The following VPS13B variants were observed in gnomAD, a reference collection of about 807,000 sequenced individuals.
VPS13B encodes intermembrane lipid transfer protein VPS13B.
A neutral mutation model predicts 426.4 loss-of-function variants in VPS13B; 285 were observed. The ratio of observed to expected loss-of-function variants is 0.67; its 90% CI spans 0.61 to 0.74. The LOEUF (loss-of-function observed/expected upper bound fraction) is 0.74. VPS13B is among the 30% of genes least tolerant of loss of function. The probability of loss-of-function intolerance (pLI) is 0.00; values close to 1 mark genes in which losing one functional copy is unlikely to be tolerated. For synonymous variants in VPS13B, 1,676 were observed against 1,676.4 expected (o/e 1.00, Z 0.01); for missense variants, 4,537 against 4,782.6 (o/e 0.95, Z 1.51).
chr8:99,065,057 C>T (rs1327063294), intron 3 of VPS13B, among the ~76,000 whole-genome samples: 1 of 152,172 alleles, frequency 6.6e-6, no homozygotes, highest in African/African-American at 2.4e-5. Context: ...CAAGCAAATG[C>T]TGAGAGATTT....
chr8:99,197,878 A>G lies in VPS13B; in HGVS notation c.2515+4821A>G, dbSNP rs181416862. 2.6e-3 allele frequency among the ~76,000 whole-genome samples: 402 copies of G among 152,218 alleles called. 7 individuals carry two copies. The highest frequency in any genetic ancestry group is 2.5e-3 in the Non-Finnish European group (167 of 67,972). ...TTTTCACATATTTGTGGTTTTCCCC[A>G]AGATTTCTTTTTGGGGTGGTGAAAA... On this transcript the variant is annotated intron_variant, in intron 17 of 61. Coordinates refer to ENST00000357162, the MANE Select transcript of VPS13B (RefSeq NM_152564.5).
At chr8:99,355,550 C>T (rs1179695595) in intron 19 of VPS13B, among the ~76,000 whole-genome samples, 2 of 152,156 alleles carry the variant, frequency 1.3e-5, no homozygotes, top group Non-Finnish European at 2.9e-5. Flanking sequence ...TAGATAGCGC[C>T]ACTGCACTCC....
intron 19 of VPS13B, among the ~76,000 whole-genome samples, chr8:99,364,700 T>G (rs1812754500): frequency 6.6e-6 from 1 of 152,228 alleles, no homozygotes; most frequent in African/African-American, 2.4e-5. Flanking sequence ...CCCAGAGTGC[T>G]GGGATTACAA....
At chr8:99,783,989 C>T (rs542615012) in intron 42 of VPS13B, among the ~76,000 whole-genome samples, 1 of 152,252 alleles carries the variant, frequency 6.6e-6, no homozygotes, top group East Asian at 1.9e-4. Flanking sequence ...GTGCACTACC[C>T]AGTACAGCAC....
In VPS13B at chr8:99,835,266, T is replaced by C; in HGVS notation, c.9684T>C (p.Pro3228=). Residue 3228 remains proline, a synonymous_variant, in exon 53 of 62, where the codon CCT becomes CCC. Coordinates refer to ENST00000357162, the MANE Select transcript of VPS13B (RefSeq NM_152564.5). ...TYLTLSEDPS[P]RVIIHNRCPV... is the part of the protein sequence containing the mutation. ...TAACCCTCTCAGAAGACCCTAGTCC[T>C]CGAGTAATTATCCACAATAGATGTC... 6.2e-7 allele frequency: 1 copy of C among 1,613,846 alleles called. No individual in the cohort carries two copies. The highest frequency in any genetic ancestry group is 8.5e-7 in the Non-Finnish European group (1 of 1,179,800).
chr8:99,097,097 T>G (rs1177572616), intron 4 of VPS13B, among the ~76,000 whole-genome samples: 3 of 152,192 alleles, frequency 2.0e-5, no homozygotes, highest in Non-Finnish European at 4.4e-5. Flanking sequence ...GCAGGGATAT[T>G]ACTTATGACT....
chr8:99,443,845 T>C (rs959920821), intron 23 of VPS13B, among the ~76,000 whole-genome samples: 1 of 152,124 alleles, frequency 6.6e-6, no homozygotes, highest in African/African-American at 2.4e-5. Flanking sequence ...AGGAGTAAAA[T>C]TGTTGTGTCG....
intron 35 of VPS13B, among the ~76,000 whole-genome samples, chr8:99,674,878 A>T (rs1830867277): frequency 6.6e-6 from 1 of 152,104 alleles, no homozygotes; most frequent in East Asian, 1.9e-4. Context: ...TTTGAATGTT[A>T]TTTAAAAATT....
chr8:99,217,761 GA>G (rs2132817244), intron 17 of VPS13B, among the ~76,000 whole-genome samples: 1 of 152,230 alleles, frequency 6.6e-6, no homozygotes, highest in African/African-American at 2.4e-5. Context: ...AAAAAGTATG[GA>G]AAAAGAAAGC....
At chr8:99,697,492 G>T in intron 35 of VPS13B, 2 of 739,830 alleles carry the variant, frequency 2.7e-6, no homozygotes. Context: ...AGCTGAAGGA[G>T]CAGAAGTCGC....
chr8:99,700,038 T>C (rs2130182885), intron 36 of VPS13B, 106 bp downstream of exon 36: 1 of 1,370,318 alleles, frequency 7.3e-7, no homozygotes, highest in East Asian at 2.5e-5. Flanking sequence ...AGTTAAAAGT[T>C]GTAAAGGCCA....
chr8:99,381,061 C>T (rs904746778), intron 19 of VPS13B, among the ~76,000 whole-genome samples: 1 of 152,074 alleles, frequency 6.6e-6, no homozygotes. Flanking sequence ...CCTTCACCCT[C>T]CACCCTCTGA....
At chr8:99,101,510 T>TA (rs984644348) in intron 4 of VPS13B, among the ~76,000 whole-genome samples, 1 of 152,202 alleles carries the variant, frequency 6.6e-6, no homozygotes. Context: ...TGTTGATACT[T>TA]ACAATTTCTT....
intron 39 of VPS13B, among the ~76,000 whole-genome samples, chr8:99,765,003 T>G (rs1811140753): frequency 6.6e-6 from 1 of 152,094 alleles, no homozygotes; most frequent in East Asian, 1.9e-4. Flanking sequence ...CCCAGCAGTT[T>G]GGGAGGCTGA....
At chr8:99,517,397 A>G (rs968802574) in intron 29 of VPS13B, among the ~76,000 whole-genome samples, 37 of 152,304 alleles carry the variant, frequency 2.4e-4, no homozygotes, top group African/African-American at 8.4e-4. Flanking sequence ...ATGCATCTGT[A>G]CACACACGTA....
At chr8:99,048,632 T>G (rs1843356021) in intron 3 of VPS13B, among the ~76,000 whole-genome samples, 1 of 152,066 alleles carries the variant, frequency 6.6e-6, no homozygotes, top group Non-Finnish European at 1.5e-5. Context: ...CTGGCCAACA[T>G]GGTGAAACCC....
intron 33 of VPS13B, among the ~76,000 whole-genome samples, chr8:99,589,893 A>G (rs908992896): frequency 6.6e-6 from 1 of 152,072 alleles, no homozygotes; most frequent in Non-Finnish European, 1.5e-5. Context: ...TATTGATTGG[A>G]ATAGTTTCAG....
chr8:99,720,905 A>G lies in VPS13B; in HGVS notation c.6908A>G (p.Asn2303Ser). The change falls in exon 39 of 62, where the codon AAT becomes AGT. Residue 2303 changes from asparagine to serine, a missense_variant. Transcript: ENST00000357162. ...GGGGTCTATGAAGTCTTATTTTATA[A>G]TGAAACTGAAGATTGCCCAGGGATG... ...LPGVYEVLFY[N>S]ETEDCPGMML... The G allele has an allele frequency of 6.2e-7, 1 of 1,613,956 alleles. No homozygotes were observed. Among genetic ancestry groups the G allele is most frequent in the Non-Finnish European group, 8.5e-7 (1 of 1,179,926 alleles).
At chr8:99,184,612 A>G (rs1043725581) in intron 16 of VPS13B, among the ~76,000 whole-genome samples, 2 of 152,204 alleles carry the variant, frequency 1.3e-5, no homozygotes, top group Admixed American at 6.5e-5. Context: ...AATTTGAAAA[A>G]TGTTAACATA....
Sources: allele counts gnomAD v4.1 joint callset (sites outside exome capture counted in the v4.1 genomes callset), GRCh38; gene constraint gnomAD v4.1.1; transcripts MANE v1.5; gene names NCBI Gene and HGNC (gene_info 2026-07-23, HGNC 2026-07-21).